The following CHFR variants were observed in gnomAD, a reference collection of about 807,000 sequenced individuals.
CHFR encodes E3 ubiquitin-protein ligase CHFR.
A neutral mutation model predicts 87.6 loss-of-function variants in CHFR; 57 were observed. The observed-to-expected ratio is 0.65, with a 90% CI of 0.53 to 0.81. The LOEUF (loss-of-function observed/expected upper bound fraction) is 0.81. CHFR is among the 30% of genes least tolerant of loss of function. The pLI is 0.00. For synonymous variants in CHFR, 381 were observed against 359.2 expected, an observed-to-expected ratio of 1.06 and a Z score of -0.69; for missense variants, 797 against 865.8, an observed-to-expected ratio of 0.92 and a Z score of 1.00.
chr12:132,851,871 T>TA, intron 11 of CHFR, 134 bp from the exon 12 acceptor site: 1 of 1,061,012 alleles, frequency 9.4e-7, no homozygotes, highest in Non-Finnish European at 1.3e-6. Flanking sequence ...CCTGCCCTGC[T>TA]AAACCACCGG....
intron 15 of CHFR, among the ~76,000 whole-genome samples, chr12:132,846,100 G>A (rs759779899): frequency 5.5e-4 from 84 of 151,942 alleles, no homozygotes; most frequent in Non-Finnish European, 9.4e-4. Flanking sequence ...TCATTTCTAC[G>A]TTTGTCCCTT....
intron 2 of CHFR, among the ~76,000 whole-genome samples, chr12:132,879,279 G>T (rs1169083888): frequency 6.6e-6 from 1 of 151,938 alleles, no homozygotes; most frequent in Non-Finnish European, 1.5e-5. Context: ...ACAGGCTTGA[G>T]CCACCGCACC....
intron 8 of CHFR, 67 bp downstream of exon 8, chr12:132,859,001 C>T (rs1294655776): frequency 2.0e-6 from 3 of 1,500,194 alleles, no homozygotes; most frequent in Admixed American, 1.9e-5. Flanking sequence ...ATGCCCAGCC[C>T]TGCCCCACAC....
rs748110156 is a variant in CHFR, at chr12:132,869,733, G to C, written c.469C>G (p.Gln157Glu). The C allele has an allele frequency of 9.7e-6, 15 of 1,551,480 alleles. No individual in the cohort carries two copies. The highest frequency in any genetic ancestry group is 1.3e-5 in the Non-Finnish European group (15 of 1,147,000). ...PRVPPSSPAT[Q>E]VCFEEPQPST... ...GGCTGTGGTTCCTCAAAGCACACCT[G>C]AGTGGCGGGCGACGACGGAGGGACC... The change falls in exon 6 of 18, where the codon CAG (glutamine) becomes GAG (glutamate). Residue 157 changes from glutamine (Q) to glutamate (E), a missense_variant. Around this residue, in one of 2 missense-constraint regions of CHFR, gnomAD observed 597 missense variants for 601.2 expected, o/e 0.99. Coordinates refer to ENST00000450056, the MANE Select transcript of CHFR (RefSeq NM_001161346.2).
At position 132,847,776 on chromosome 12, in the gene CHFR, GAAGCCCTCACC is replaced by G. The variant is rs1950859540; in HGVS notation, c.1647+298_1647+308del. The G allele has an allele frequency of 4.4e-5, 55 of 1,261,936 alleles. No individual in the cohort carries two copies. In the South Asian group the frequency reaches 8.9e-4, roughly 20 times the overall value. The allele number at this position is 1,261,936 out of a possible 1,614,324, so 78.2% of individuals were successfully genotyped here. A position where few individuals can be genotyped will look rare whatever the true frequency, so the allele number is the denominator to read the frequency against. On this transcript the variant is annotated intron_variant, in intron 14 of 17. Transcript: ENST00000450056. ...TCTTGCTAAAGGGCGGCACCTTCAA[GAAGCCCTCACC>G]GAGAGCTGTGGGAACAAGAGCTGCC... is the stretch of plus-strand genomic sequence containing the variant.
At chr12:132,847,683 C>T (rs1015708391) in intron 14 of CHFR, 7 of 1,098,778 alleles carry the variant, frequency 6.4e-6, no homozygotes, top group Admixed American at 9.5e-5. Context: ...TCCTAGAAAC[C>T]GAGGTAGCTT....
rs1016414297 is a variant in CHFR at position 132,834,527 on chromosome 12, C to G, written c.*7027G>C. The stretch of plus-strand genomic sequence containing the variant: ...CTTGCAGTTCTGGAGCTCGGAAGTC[C>G]AAAATGAAGGGGCAGGCAGGGCTGG... On this transcript the variant is annotated 3_prime_UTR_variant, in exon 18 of 18. Coordinates refer to ENST00000450056, the MANE Select transcript of CHFR (RefSeq NM_001161346.2). 1 of 152,144 alleles carries G rather than the reference C, an allele frequency of 6.6e-6. No individual in the cohort carries two copies. Among genetic ancestry groups the G allele is most frequent in the Non-Finnish European group, 1.5e-5 (1 of 68,048 alleles). 9.4% of individuals were successfully genotyped at this position (152,144 alleles called of 1,614,324 possible).
rs1048846757 is a variant in CHFR at position 132,869,672 on chromosome 12, G to A, written c.530C>T (p.Ser177Leu). ...AGGAGAAGGCTCCGTGGAAGAGGCCGAGGCTGTGGGGAAGAGGTCTGACGT... is the reference window on the plus strand; with the variant it reads ...AGGAGAAGGCTCCGTGGAAGAGGCCAAGGCTGTGGGGAAGAGGTCTGACGT... ...TSTSDLFPTA[S>L]ASSTEPSPAG... Residue 177 changes from serine (S) to leucine (L), a missense_variant, in exon 6 of 18, where the codon TCG becomes TTG. Around this residue, in one of 2 missense-constraint regions of CHFR, gnomAD observed 597 missense variants for 601.2 expected, o/e 0.99. Transcript: ENST00000450056. The A allele has an allele frequency of 1.1e-5, 17 of 1,551,560 alleles. No homozygotes were observed. Among genetic ancestry groups the A allele is most frequent in the African/African-American group, 6.8e-5 (5 of 73,010 alleles).
At chr12:132,864,542 G>A (rs938186585) in intron 6 of CHFR, among the ~76,000 whole-genome samples, 11 of 152,200 alleles carry the variant, frequency 7.2e-5, no homozygotes, top group Non-Finnish European at 1.2e-4. Flanking sequence ...AGGCTGGAGT[G>A]CAGTGGCAGG....
At chr12:132,872,576 C>G (rs1200219948) in intron 3 of CHFR, among the ~76,000 whole-genome samples, 182 bp from the exon 4 acceptor site, 4 of 152,144 alleles carry the variant, frequency 2.6e-5, no homozygotes, top group Non-Finnish European at 5.9e-5. Context: ...AGAAATGGCT[C>G]GCCCACTTCT....
chr12:132,864,187 A>C (rs1440164496), intron 6 of CHFR, among the ~76,000 whole-genome samples: 3 of 151,384 alleles, frequency 2.0e-5, no homozygotes, highest in African/African-American at 7.3e-5. Context: ...AAAAAAAAAA[A>C]CACAAGAAAC....
intron 10 of CHFR, 124 bp downstream of exon 10, chr12:132,856,344 T>C (rs1482592774): frequency 9.8e-7 from 1 of 1,018,258 alleles, no homozygotes; most frequent in Non-Finnish European, 1.5e-6. Context: ...ATTTAAGAGC[T>C]TGGCTGCTCA....
At chr12:132,846,488 T>A (rs973997024) in intron 15 of CHFR, among the ~76,000 whole-genome samples, 39 of 151,884 alleles carry the variant, frequency 2.6e-4, no homozygotes, top group Non-Finnish European at 3.4e-4. Context: ...GCCAGGATGG[T>A]CTCAATCTCT....
chr12:132,858,778 T>TAA (rs1177785776), intron 8 of CHFR, among the ~76,000 whole-genome samples: 3 of 64,410 alleles, frequency 4.7e-5, no homozygotes, highest in Non-Finnish European at 6.7e-5. Flanking sequence ...TTTAGAACAT[T>TAA]AAAAAAAAAA....
In CHFR at chr12:132,869,627, G is replaced by A. The variant is rs1951438339; in HGVS notation, c.575C>T (p.Ser192Phe). Residue 192 changes from serine (S) to phenylalanine (F), a missense_variant, in exon 6 of 18, where the codon TCC becomes TTC. Around this residue, in one of 2 missense-constraint regions of CHFR, gnomAD observed 597 missense variants for 601.2 expected, o/e 0.99. Transcript: ENST00000450056. Reference sequence around the variant, plus strand: ...ATGAGATGTGACCTCACCACAACTGGAGGAACGCTCTCGCCCTGCAGGAGA... The same window carrying A: ...ATGAGATGTGACCTCACCACAACTGAAGGAACGCTCTCGCCCTGCAGGAGA... ...EPSPAGRERS[S>F]SCGSGGGGIS... 2 of 1,551,456 alleles carry A rather than the reference G, an allele frequency of 1.3e-6. No homozygotes were observed. The highest frequency in any genetic ancestry group is 1.2e-5 in the South Asian group (1 of 84,070).
chr12:132,857,900 G>A (rs149946482), intron 8 of CHFR, among the ~76,000 whole-genome samples: 208 of 152,366 alleles, frequency 1.4e-3, no homozygotes, highest in African/African-American at 4.4e-3. Context: ...CATTCTATGC[G>A]AAATACACCT....
At chr12:132,881,590 G>A (rs1195264100) in intron 2 of CHFR, among the ~76,000 whole-genome samples, 7 of 152,022 alleles carry the variant, frequency 4.6e-5, no homozygotes, top group African/African-American at 9.7e-5. Flanking sequence ...ACCACGGGCC[G>A]GGCACGGTGG....
At chr12:132,878,845 C>T (rs1388768512) in intron 2 of CHFR, among the ~76,000 whole-genome samples, 1 of 142,644 alleles carries the variant, frequency 7.0e-6, no homozygotes, top group Non-Finnish European at 1.6e-5. Flanking sequence ...AAAAAAAAAA[C>T]TCAGGGGCTT....
intron 2 of CHFR, among the ~76,000 whole-genome samples, chr12:132,886,986 A>C (rs1248251866): frequency 6.6e-6 from 1 of 152,260 alleles, no homozygotes; most frequent in Non-Finnish European, 1.5e-5. Flanking sequence ...GAACACAACT[A>C]ACTTATACAG....
Sources: allele counts gnomAD v4.1 joint callset (sites outside exome capture counted in the v4.1 genomes callset), GRCh38; gene constraint gnomAD v4.1.1; regional missense constraint gnomAD v4.1.1; transcripts MANE v1.5; gene names NCBI Gene and HGNC (gene_info 2026-07-23, HGNC 2026-07-21).